The following STOX2 variants were observed in gnomAD, a reference collection of about 807,000 sequenced individuals.
STOX2 encodes storkhead box 2.
STOX2 carries 28 observed loss-of-function variants against 60.9 expected under a neutral mutation model. That is an observed-to-expected ratio of 0.46 (90% CI 0.34 to 0.63). The LOEUF (loss-of-function observed/expected upper bound fraction) is 0.63. Ranked by LOEUF, STOX2 falls within the 30% of genes least tolerant of loss-of-function variation. STOX2 has a pLI of 0.01. For missense variants in STOX2, 1,024 were observed against 1,187.7 expected (o/e 0.86, Z 2.03); for synonymous variants, 472 against 463.9 (o/e 1.02, Z -0.22).
intron 1 of STOX2, among the ~76,000 whole-genome samples, chr4:183,948,849 G>A (rs1197790855): frequency 6.6e-6 from 1 of 151,976 alleles, no homozygotes; most frequent in Non-Finnish European, 1.5e-5. Flanking sequence ...TCTTAAAATC[G>A]CAATAATGAG....
In STOX2 at chr4:184,018,175, G is replaced by A. The variant is rs955860054; in HGVS notation, c.*891G>A. ...ATTTCCTCCTTGTGATACTTAGGAT[G>A]ACCCTATCTTACTCTAATAGATACA... On this transcript the variant is annotated 3_prime_UTR_variant, in exon 4 of 4. Transcript: ENST00000308497. 6.6e-6 allele frequency: 1 copy of A among 152,212 alleles called. No homozygotes were observed. The highest frequency in any genetic ancestry group is 1.5e-5 in the Non-Finnish European group (1 of 68,044). The allele number at this position is 152,212 out of a possible 1,614,324, so 9.4% of individuals were successfully genotyped here. A position where few individuals can be genotyped will look rare whatever the true frequency, so the allele number is the denominator to read the frequency against.
chr4:183,842,959 C>G (rs772859730), intron 1 of STOX2, among the ~76,000 whole-genome samples: 1 of 151,934 alleles, frequency 6.6e-6, no homozygotes, highest in Non-Finnish European at 1.5e-5. Flanking sequence ...ACCAGCCTAG[C>G]CAAGATGGCG....
At chr4:183,859,648 C>T (rs536042522) in intron 1 of STOX2, among the ~76,000 whole-genome samples, 4 of 152,364 alleles carry the variant, frequency 2.6e-5, no homozygotes, top group East Asian at 1.9e-4. Flanking sequence ...CAAATGGTGA[C>T]GCACAGAAGG....
At chr4:183,872,286 C>G (rs1016865428) in intron 1 of STOX2, among the ~76,000 whole-genome samples, 2 of 152,112 alleles carry the variant, frequency 1.3e-5, no homozygotes, top group African/African-American at 4.8e-5. Context: ...GAACTTCTGA[C>G]CTCAGGTGAT....
At chr4:183,844,031 C>A (rs1349825706) in intron 1 of STOX2, among the ~76,000 whole-genome samples, 1 of 152,014 alleles carries the variant, frequency 6.6e-6, no homozygotes, top group East Asian at 1.9e-4. Context: ...GTTCTTCTAC[C>A]CAATCCGAAT....
chr4:183,929,916 T>C (rs1742365714), intron 1 of STOX2, among the ~76,000 whole-genome samples: 1 of 152,064 alleles, frequency 6.6e-6, no homozygotes, highest in African/African-American at 2.4e-5. Context: ...CAGGCTGGAG[T>C]GCAGTGGCAC....
rs1187874415 is a variant in STOX2 at position 184,021,721 on chromosome 4, A to G, written c.*4437A>G. ...AGTACTCTTCACAGTGCTGCTTGGC[A>G]CCATAGAAAATCAGTACAATATATC... On this transcript the variant is annotated 3_prime_UTR_variant, in exon 4 of 4. Coordinates refer to ENST00000308497, the MANE Select transcript of STOX2 (RefSeq NM_020225.3). 6.6e-6 allele frequency: 1 copy of G among 152,252 alleles called. No homozygotes were observed. The highest frequency in any genetic ancestry group is 1.5e-5 in the Non-Finnish European group (1 of 68,052). 9.4% of individuals were successfully genotyped at this position (152,252 alleles called of 1,614,324 possible). A position where few individuals can be genotyped will look rare whatever the true frequency, so the allele number is the denominator to read the frequency against.
chr4:183,919,484 GCA>G (rs1433224499), intron 1 of STOX2, among the ~76,000 whole-genome samples: 5 of 152,198 alleles, frequency 3.3e-5, no homozygotes, highest in Non-Finnish European at 7.3e-5. Flanking sequence ...TGGGATGTAA[GCA>G]CAGTCTGAGA....
intron 1 of STOX2, among the ~76,000 whole-genome samples, chr4:183,978,367 C>A (rs548499657): frequency 6.6e-6 from 1 of 152,012 alleles, no homozygotes; most frequent in South Asian, 2.1e-4. Flanking sequence ...GTCCTTTCCC[C>A]GTGTTTTATA....
chr4:183,879,319 C>T (rs1740901872), intron 1 of STOX2, among the ~76,000 whole-genome samples: 1 of 152,202 alleles, frequency 6.6e-6, no homozygotes, highest in South Asian at 2.1e-4. Flanking sequence ...TCGGCCCATA[C>T]ATCAAGCATG....
At chr4:183,977,835 A>G (rs183042846) in intron 1 of STOX2, among the ~76,000 whole-genome samples, 10 of 152,134 alleles carry the variant, frequency 6.6e-5, no homozygotes, top group Non-Finnish European at 1.5e-4. Context: ...TTTTCTCCAC[A>G]TCCTCACAAC....
At chr4:183,965,206 G>A (rs1467439955) in intron 1 of STOX2, among the ~76,000 whole-genome samples, 2 of 152,208 alleles carry the variant, frequency 1.3e-5, no homozygotes, top group Non-Finnish European at 2.9e-5. Context: ...TGACAAGTGT[G>A]TAGGTTCAGG....
chr4:183,983,310 C>T (rs1732723460), intron 1 of STOX2, among the ~76,000 whole-genome samples: 1 of 152,148 alleles, frequency 6.6e-6, no homozygotes, highest in Non-Finnish European at 1.5e-5. Flanking sequence ...CTCTCCTGGT[C>T]CTCTTTCCCT....
intron 1 of STOX2, among the ~76,000 whole-genome samples, chr4:183,871,956 A>T (rs1182277871): frequency 6.6e-6 from 1 of 152,224 alleles, no homozygotes; most frequent in Non-Finnish European, 1.5e-5. Context: ...TTTGCGCCTC[A>T]TATATTAATG....
intron 1 of STOX2, among the ~76,000 whole-genome samples, chr4:183,950,598 C>T (rs1297117861): frequency 6.6e-6 from 1 of 152,116 alleles, no homozygotes; most frequent in Non-Finnish European, 1.5e-5. Flanking sequence ...CATGGGCAGG[C>T]CGAGTTTGTC....
chr4:183,831,074 G>T (rs970298163), intron 1 of STOX2, among the ~76,000 whole-genome samples: 4 of 152,002 alleles, frequency 2.6e-5, no homozygotes, highest in Non-Finnish European at 5.9e-5. Flanking sequence ...CCGGGCCTGA[G>T]CAGCTGGCTT....
At chr4:183,918,689 C>T (rs544457370) in intron 1 of STOX2, among the ~76,000 whole-genome samples, 4 of 152,168 alleles carry the variant, frequency 2.6e-5, no homozygotes, top group Non-Finnish European at 5.9e-5. Flanking sequence ...GTGATGGGCC[C>T]AGTGGAATCT....
chr4:184,007,045 A>AAACAAAAAC (rs1553987518), intron 2 of STOX2, among the ~76,000 whole-genome samples: 2 of 118,474 alleles, frequency 1.7e-5, no homozygotes, highest in African/African-American at 6.3e-5. Context: ...AAACAAAAAA[A>AAACAAAAAC]AAATTTTGTT....
At chr4:183,921,239 A>G (rs1396530967) in intron 1 of STOX2, among the ~76,000 whole-genome samples, 1 of 152,226 alleles carries the variant, frequency 6.6e-6, no homozygotes, top group African/African-American at 2.4e-5. Context: ...GGCAAAGAAG[A>G]AGTTCTATGG....
Sources: allele counts gnomAD v4.1 joint callset (sites outside exome capture counted in the v4.1 genomes callset), GRCh38; gene constraint gnomAD v4.1.1; transcripts MANE v1.5; gene names NCBI Gene and HGNC (gene_info 2026-07-23, HGNC 2026-07-21).